Variants in ENOX2 observed in about 807,000 individuals in gnomAD.
The protein encoded by ENOX2 is ecto-NOX disulfide-thiol exchanger 2.
Under a neutral mutation model 45.0 loss-of-function variants are expected in ENOX2, and 36 were observed. The ratio of observed to expected loss-of-function variants is 0.80; its 90% CI spans 0.61 to 1.06. ENOX2 has a LOEUF of 1.06. Ranked by LOEUF, ENOX2 falls within the 50% of genes least tolerant of loss-of-function variation. The pLI is 0.00. For synonymous variants in ENOX2, 174 were observed against 152.3 expected (o/e 1.14, Z -1.05); for missense variants, 423 against 462.5 (o/e 0.91, Z 0.78).
At chrX:130,870,218 T>C (rs1426695992) in intron 2 of ENOX2, among the ~76,000 whole-genome samples, 1 of 111,450 alleles carries the variant, frequency 9.0e-6, no homozygotes, top group Non-Finnish European at 1.9e-5. Flanking sequence ...GTTTGGATAA[T>C]TGGAACTGTC....
intron 3 of ENOX2, among the ~76,000 whole-genome samples, chrX:130,755,747 C>G (rs2039339768): frequency 9.0e-6 from 1 of 111,088 alleles, no homozygotes; most frequent in Non-Finnish European, 1.9e-5. Context: ...AAACCACACC[C>G]TTTTAGTAAT....
chrX:130,766,612 T>C (rs141076829), intron 3 of ENOX2, among the ~76,000 whole-genome samples: 105 of 111,682 alleles, frequency 9.4e-4, no homozygotes, highest in African/African-American at 3.1e-3. Flanking sequence ...ATTGATCTTG[T>C]ATATATGGTG....
chrX:130,626,398 T>A (rs1008064322), intron 14 of ENOX2, among the ~76,000 whole-genome samples: 42 of 112,350 alleles, frequency 3.7e-4, no homozygotes, highest in African/African-American at 1.4e-3. Flanking sequence ...ACAGCACACT[T>A]GCAGGAAAGG....
At position 130,900,134 on chromosome X, in the gene ENOX2, T is replaced by C. The variant is rs141671776; in HGVS notation, c.-183+1550A>G. Reference sequence around the variant, plus strand: ...GTGGTGCTCTTCTAAAACATGTTAATGGTTTCTTATGGCCTACAAGCAGCA... The same window carrying C: ...GTGGTGCTCTTCTAAAACATGTTAACGGTTTCTTATGGCCTACAAGCAGCA... On this transcript the variant is annotated intron_variant, in intron 2 of 14. Transcript: ENST00000394363. Among the ~76,000 whole-genome samples the C allele has an allele frequency of 8.9e-3, 992 of 111,919 alleles. 11 individuals carry two copies. The highest frequency in any genetic ancestry group is 0.03 in the African/African-American group (937 of 30,759).
intron 3 of ENOX2, among the ~76,000 whole-genome samples, chrX:130,780,199 C>A (rs965962048): frequency 9.0e-6 from 1 of 111,568 alleles, no homozygotes; most frequent in African/African-American, 3.3e-5. Context: ...ACCATGAGAT[C>A]TGAGTTTGAA....
chrX:130,841,101 C>T (rs1284528832), intron 2 of ENOX2, among the ~76,000 whole-genome samples: 1 of 111,726 alleles, frequency 9.0e-6, no homozygotes, highest in South Asian at 3.7e-4. Flanking sequence ...GAACACGGTC[C>T]TTTTCCTCTA....
At chrX:130,645,651 G>T (rs1301983146) in intron 10 of ENOX2, 6 of 437,703 alleles carry the variant, frequency 1.4e-5, no homozygotes, top group Non-Finnish European at 2.3e-5. Flanking sequence ...GAGGGATGGG[G>T]CTGCCCAGCA....
chrX:130,833,905 T>C (rs775550335), intron 2 of ENOX2, among the ~76,000 whole-genome samples: 6 of 111,646 alleles, frequency 5.4e-5, no homozygotes, highest in Admixed American at 3.8e-4. Flanking sequence ...TATCATTCAC[T>C]AATTCAACAA....
At chrX:130,634,308 T>C (rs957482221) in intron 12 of ENOX2, among the ~76,000 whole-genome samples, 1 of 111,813 alleles carries the variant, frequency 8.9e-6, no homozygotes, top group African/African-American at 3.3e-5. Flanking sequence ...TCAAGGAAAT[T>C]GGAGAGGTTG....
intron 9 of ENOX2, among the ~76,000 whole-genome samples, chrX:130,660,108 C>A (rs752116808): frequency 1.8e-5 from 2 of 111,474 alleles, no homozygotes; most frequent in Non-Finnish European, 3.8e-5. Flanking sequence ...GGGTATGTTT[C>A]CCTAAGTGGT....
At chrX:130,677,064 T>C (rs948701866) in intron 6 of ENOX2, among the ~76,000 whole-genome samples, 3 of 111,827 alleles carry the variant, frequency 2.7e-5, no homozygotes, top group African/African-American at 9.8e-5. Flanking sequence ...CTTACCACCT[T>C]TGTACTTTTG....
intron 3 of ENOX2, among the ~76,000 whole-genome samples, chrX:130,743,096 T>C (rs754844520): frequency 1.8e-5 from 2 of 111,854 alleles, no homozygotes; most frequent in Non-Finnish European, 3.8e-5. Flanking sequence ...AGCTTTATTT[T>C]TATGAGGGAA....
chrX:130,739,242 A>G (rs1210534482), intron 3 of ENOX2, among the ~76,000 whole-genome samples: 3 of 112,551 alleles, frequency 2.7e-5, no homozygotes, highest in African/African-American at 6.5e-5. Flanking sequence ...AGTGGCAGTG[A>G]GCTGCAGCTC....
intron 2 of ENOX2, among the ~76,000 whole-genome samples, chrX:130,835,990 T>C (rs1008613208): frequency 8.9e-6 from 1 of 112,318 alleles, no homozygotes; most frequent in African/African-American, 3.2e-5. Flanking sequence ...AGCGTAGTCT[T>C]TGAACTCTCC....
At chrX:130,636,325 C>T (rs2035931453) in intron 11 of ENOX2, among the ~76,000 whole-genome samples, 1 of 112,542 alleles carries the variant, frequency 8.9e-6, no homozygotes, top group Non-Finnish European at 1.9e-5. Flanking sequence ...GAAAGAATAA[C>T]ATAGGGTTCC....
At chrX:130,902,087 TC>T (rs1442727356) in intron 1 of ENOX2, among the ~76,000 whole-genome samples, 1 of 111,305 alleles carries the variant, frequency 9.0e-6, no homozygotes, top group African/African-American at 3.3e-5. Flanking sequence ...CTTCAGCACT[TC>T]CCGGGTTAGG....
chrX:130,718,645 G>A (rs149467847), intron 3 of ENOX2, among the ~76,000 whole-genome samples: 2 of 112,285 alleles, frequency 1.8e-5, no homozygotes, highest in East Asian at 5.6e-4. Context: ...CAACTAAATG[G>A]TTATGAATTT....
At chrX:130,673,284 G>A (rs758367860) in intron 6 of ENOX2, among the ~76,000 whole-genome samples, 1 of 110,514 alleles carries the variant, frequency 9.0e-6, no homozygotes, top group South Asian at 3.9e-4. Flanking sequence ...TAAGAACTCG[G>A]GGTGTTGCAA....
At chrX:130,631,360 C>G (rs777558636) in intron 13 of ENOX2, 108 bp downstream of exon 13, 5 of 510,057 alleles carry the variant, frequency 9.8e-6, no homozygotes, top group Admixed American at 5.2e-5. Context: ...TCTTGCGCTG[C>G]CATGCTTCAT....
Sources: gnomAD v4.1 joint callset for allele counts (sites outside exome capture counted in the v4.1 genomes callset) on GRCh38, gnomAD v4.1.1 for gene constraint, MANE v1.5 for transcripts, NCBI Gene and HGNC (gene_info 2026-07-23, HGNC 2026-07-21) for gene names.